Variants in ARL10 observed in about 807,000 individuals in gnomAD.
ARL10 encodes the protein ARF like GTPase 10.
ARL10 carries 23 observed loss-of-function variants against 26.1 expected under a neutral mutation model. The ratio of observed to expected loss-of-function variants is 0.88; its 90% CI spans 0.63 to 1.25. The LOEUF is 1.25. Among genes scored for constraint, ARL10 ranks in the 50% most tolerant of loss-of-function variants. ARL10 has a pLI of 0.00. For synonymous variants in ARL10, 138 were observed against 149.1 expected (o/e 0.93, Z 0.54); for missense variants, 300 against 323.6 (o/e 0.93, Z 0.56).
chr5:176,385,314 T>C (rs1165726746), downstream of ARL10: 8 of 1,605,046 alleles, frequency 5.0e-6, no homozygotes, highest in Non-Finnish European at 6.8e-6. Flanking sequence ...GAAGGCTGGC[T>C]TCTGCCTCCA....
At chr5:176,407,709 CT>C in the ARL10 span, 3 of 152,214 alleles carry the variant, frequency 2.0e-5, no homozygotes, top group Admixed American at 6.5e-5. Flanking sequence ...GCCAGAGAGC[CT>C]GGGCAGCCTA....
chr5:176,414,173 G>A, the ARL10 span, among the ~76,000 whole-genome samples: 1 of 152,122 alleles, frequency 6.6e-6, no homozygotes, highest in Non-Finnish European at 1.5e-5. Context: ...CCTCTTCCCT[G>A]CACCCCGACC....
At chr5:176,388,246 G>A (rs1260922329) in intron 1 of ARL10, 2 of 1,611,056 alleles carry the variant, frequency 1.2e-6, no homozygotes, top group African/African-American at 1.3e-5. Flanking sequence ...TTTCTCTTAC[G>A]GAGGGGCACC....
intron 1 of ARL10, among the ~76,000 whole-genome samples, chr5:176,396,325 G>A (rs1756518813): frequency 6.6e-6 from 1 of 152,164 alleles, no homozygotes; most frequent in African/African-American, 2.4e-5. Context: ...GGAGGTGGTT[G>A]CTGCCTGCAC....
rs962530203 is a variant in ARL10 at position 176,372,687 on chromosome 5, G to A, written c.*792G>A. On this transcript the variant is annotated 3_prime_UTR_variant, in exon 4 of 4. Transcript: ENST00000310389. ...AATCTGGAGACAAGCTGCTGCTCTCGTACTAACTGTGCCAGTGCCCATGTT... is the reference window on the plus strand; with the variant it reads ...AATCTGGAGACAAGCTGCTGCTCTCATACTAACTGTGCCAGTGCCCATGTT... 15 of 386,736 alleles carry A rather than the reference G, an allele frequency of 3.9e-5. No homozygotes were observed. Among genetic ancestry groups the A allele is most frequent in the Non-Finnish European group, 5.5e-5 (12 of 219,092 alleles). The allele number at this position is 386,736 out of a possible 1,614,324, so 24.0% of individuals were successfully genotyped here. A position where few individuals can be genotyped will look rare whatever the true frequency, so the allele number is the denominator to read the frequency against.
chr5:176,399,421 T>C (rs544797879), intron 1 of ARL10, among the ~76,000 whole-genome samples: 1 of 152,178 alleles, frequency 6.6e-6, no homozygotes, highest in African/African-American at 2.4e-5. Flanking sequence ...AGAAATTGCT[T>C]AACCTTGCCT....
chr5:176,401,658 C>T, intron 1 of ARL10: 1 of 449,282 alleles, frequency 2.2e-6, no homozygotes, highest in Non-Finnish European at 4.5e-6. Context: ...GGGCTGCCTC[C>T]TGCAATCGTC....
chr5:176,366,856 T>C (rs1768328223), intron 2 of ARL10, among the ~76,000 whole-genome samples: 2 of 152,078 alleles, frequency 1.3e-5, no homozygotes, highest in Admixed American at 1.3e-4. Context: ...TAAGGGTTCA[T>C]ATGCCAAGCA....
chr5:176,375,183 TCCAC>T lies in ARL10; in HGVS notation c.*3292_*3295del, dbSNP rs1215281674. ...ATCCATCCACCCACCCACCCACCCA[TCCAC>T]CCATCCATCCATCCATCCACTCATC... On this transcript the variant is annotated 3_prime_UTR_variant, in exon 4 of 4. Transcript: ENST00000310389. 1.4e-5 allele frequency: 1 copy of T among 70,510 alleles called. No individual in the cohort carries two copies. Among genetic ancestry groups the T allele is most frequent in the Admixed American group, 1.7e-4 (1 of 5,930 alleles). 4.4% of individuals were successfully genotyped at this position (70,510 alleles called of 1,614,324 possible). A position where few individuals can be genotyped will look rare whatever the true frequency, so the allele number is the denominator to read the frequency against.
chr5:176,398,096 C>T (rs1756639230), intron 1 of ARL10: 2 of 1,536,614 alleles, frequency 1.3e-6, no homozygotes, highest in Non-Finnish European at 1.8e-6. Context: ...ACCTGCCCCG[C>T]TGTCTCTGCT....
downstream of ARL10, chr5:176,392,916 G>T: frequency 6.2e-7 from 1 of 1,614,154 alleles, no homozygotes; most frequent in South Asian, 1.1e-5. The surrounding 1 kb of genome is among the most constrained non-coding windows in gnomAD (Gnocchi z 5.2). Flanking sequence ...CTCCTCCTTG[G>T]ATTCCTTCAC....
intron 3 of ARL10, among the ~76,000 whole-genome samples, chr5:176,369,874 A>T (rs1378916454): frequency 6.6e-6 from 1 of 151,064 alleles, no homozygotes; most frequent in African/African-American, 2.4e-5. Context: ...CAGAAAGATC[A>T]CTTGAACCCA....
downstream of ARL10, chr5:176,384,404 G>A (rs778542603): frequency 7.5e-6 from 12 of 1,589,788 alleles, no homozygotes; most frequent in Non-Finnish European, 1.0e-5. Flanking sequence ...TTTAAGGAGG[G>A]CTAGACAGGC....
rs1768642635 is a variant in ARL10, at chr5:176,374,950, T to C, written c.*3055T>C. ...CGCCTTTTGAAGCTCTCCATAGTAG[T>C]AGAATCAGGAAAGATAAGCACAGCG... On this transcript the variant is annotated 3_prime_UTR_variant, in exon 4 of 4. Coordinates refer to ENST00000310389, the MANE Select transcript of ARL10 (RefSeq NM_173664.6). The C allele has an allele frequency of 6.6e-6, 1 of 152,194 alleles. No individual in the cohort carries two copies. The highest frequency in any genetic ancestry group is 1.5e-5 in the Non-Finnish European group (1 of 68,048). 9.4% of individuals were successfully genotyped at this position (152,194 alleles called of 1,614,324 possible).
chr5:176,383,872 C>A (rs1055275350), downstream of ARL10: 1 of 1,140,700 alleles, frequency 8.8e-7, no homozygotes, highest in Non-Finnish European at 1.2e-6. Context: ...CTCTCAGCCC[C>A]GGTAGAGGTG....
chr5:176,404,897 C>CA (rs1757029884), downstream of ARL10, among the ~76,000 whole-genome samples: 3 of 152,364 alleles, frequency 2.0e-5, no homozygotes, highest in South Asian at 6.2e-4. Context: ...TGTCCCCTCA[C>CA]AGTTGCATTC....
At position 176,379,788 on chromosome 5, in the gene ARL10, CA is replaced by C. The variant is rs1182000212; in HGVS notation, c.*7894del. 6.6e-6 allele frequency: 1 copy of C among 152,172 alleles called. No individual in the cohort carries two copies. The highest frequency in any genetic ancestry group is 1.9e-4 in the East Asian group (1 of 5,192). The allele number at this position is 152,172 out of a possible 1,614,324, so 9.4% of individuals were successfully genotyped here. A position where few individuals can be genotyped will look rare whatever the true frequency, so the allele number is the denominator to read the frequency against. ...TTTAAAAGATCTTCAGCAATTCTTC[CA>C]GTTCCTTTTTGCCTCCTCTTGGGGT... On this transcript the variant is annotated 3_prime_UTR_variant, in exon 4 of 4. Transcript: ENST00000310389.
downstream of ARL10, among the ~76,000 whole-genome samples, chr5:176,391,708 T>C (rs1756267225): frequency 6.6e-6 from 1 of 152,208 alleles, no homozygotes; most frequent in South Asian, 2.1e-4. Context: ...ATTGGGGTGA[T>C]GCGTCTGCCA....
Position 176,365,572 on chromosome 5 carries a change from G to T in ARL10, c.9G>T (p.Pro3=). The T allele has an allele frequency of 2.4e-6, 3 of 1,234,442 alleles. No individual in the cohort carries two copies. In the South Asian group the frequency reaches 1.1e-4, roughly 47 times the overall value. 76.5% of individuals were successfully genotyped at this position (1,234,442 alleles called of 1,614,324 possible). A position where few individuals can be genotyped will look rare whatever the true frequency, so the allele number is the denominator to read the frequency against. Residue 3 remains proline (P), a synonymous_variant, in exon 1 of 4, where the codon CCG becomes CCT. Transcript: ENST00000310389. MA[P]RPLGPLVLAL... ...GTCCCTCGCCCGGCCCGATGGCGCC[G>T]CGGCCGCTGGGCCCCTTGGTGCTGG...
Sources: allele counts gnomAD v4.1 joint callset (sites outside exome capture counted in the v4.1 genomes callset), GRCh38; gene constraint gnomAD v4.1.1; non-coding constraint Gnocchi (gnomAD v3.1); transcripts MANE v1.5; gene names NCBI Gene and HGNC (gene_info 2026-07-23, HGNC 2026-07-21).